The following CLSTN2 variants were observed in gnomAD, a reference collection of about 807,000 sequenced individuals.
The protein encoded by CLSTN2 is calsyntenin-2.
CLSTN2 carries 48 observed loss-of-function variants against 101.2 expected under a neutral mutation model. The ratio of observed to expected loss-of-function variants is 0.47; its 90% confidence interval spans 0.38 to 0.60. The LOEUF (loss-of-function observed/expected upper bound fraction) is 0.60. Ranked by LOEUF, CLSTN2 falls within the 20% of genes least tolerant of loss-of-function variation. The probability of loss-of-function intolerance (pLI) is 0.00; values close to 1 mark genes in which losing one functional copy is unlikely to be tolerated. For missense variants in CLSTN2, 1,160 were observed against 1,238.2 expected (o/e 0.94, Z 0.95); for synonymous variants, 481 against 463.6 (o/e 1.04, Z -0.48).
Position 140,556,676 on chromosome 3 carries a change from G to C in CLSTN2, c.1823+15G>C. On this transcript the variant is annotated intron_variant, in intron 11 of 16. Transcript: ENST00000458420. ...TCCAAAGTCCAGTGAGTGGACGCTG[G>C]TCAGCCTGGGGCCAACTGAGGCAGC... 1 of 1,613,214 alleles carries C rather than the reference G, an allele frequency of 6.2e-7. No homozygotes were observed. Among genetic ancestry groups the C allele is most frequent in the Non-Finnish European group, 8.5e-7 (1 of 1,179,534 alleles).
chr3:140,197,437 G>A (rs766532886), intron 2 of CLSTN2, among the ~76,000 whole-genome samples: 23 of 152,126 alleles, frequency 1.5e-4, no homozygotes, highest in Non-Finnish European at 2.9e-4. Flanking sequence ...AATCACATGA[G>A]TTTGTACAGG....
intron 5 of CLSTN2, among the ~76,000 whole-genome samples, chr3:140,445,200 G>A (rs577905961): frequency 2.4e-4 from 37 of 152,164 alleles, no homozygotes; most frequent in Non-Finnish European, 4.6e-4. Context: ...CAGCTAGGGG[G>A]TGAGTGAGAG....
chr3:140,399,547 T>G (rs975768115), intron 2 of CLSTN2, among the ~76,000 whole-genome samples: 1 of 152,222 alleles, frequency 6.6e-6, no homozygotes, highest in African/African-American at 2.4e-5. Flanking sequence ...GCAATGTCCA[T>G]TTTTAAATAC....
At chr3:140,314,857 G>A (rs1029684232) in intron 2 of CLSTN2, among the ~76,000 whole-genome samples, 6 of 152,006 alleles carry the variant, frequency 3.9e-5, no homozygotes, top group African/African-American at 1.4e-4. Flanking sequence ...AACTATCTAT[G>A]TAAATGTCTA....
chr3:140,028,202 G>T (rs1363790761), intron 1 of CLSTN2, among the ~76,000 whole-genome samples: 2 of 152,136 alleles, frequency 1.3e-5, no homozygotes, highest in Non-Finnish European at 2.9e-5. Context: ...TGGAGGGAAG[G>T]TCGTGTTTCT....
intron 1 of CLSTN2, among the ~76,000 whole-genome samples, chr3:140,171,404 G>T (rs2010210644): frequency 6.6e-6 from 1 of 151,554 alleles, no homozygotes. Context: ...TGATTGCTGT[G>T]GAATGGGTGA....
At chr3:140,031,679 A>T (rs2007552748) in intron 1 of CLSTN2, among the ~76,000 whole-genome samples, 1 of 152,218 alleles carries the variant, frequency 6.6e-6, no homozygotes, top group South Asian at 2.1e-4. Context: ...GAAAACAAGG[A>T]TAGTGTATGT....
At chr3:140,480,015 A>C (rs1020694762) in intron 8 of CLSTN2, among the ~76,000 whole-genome samples, 1 of 151,976 alleles carries the variant, frequency 6.6e-6, no homozygotes, top group Non-Finnish European at 1.5e-5. Flanking sequence ...GGTTTGTTAC[A>C]TATGTATACA....
chr3:140,079,501 G>T (rs1480700255), intron 1 of CLSTN2, among the ~76,000 whole-genome samples: 1 of 152,152 alleles, frequency 6.6e-6, no homozygotes, highest in Non-Finnish European at 1.5e-5. Context: ...TGTAATCCCA[G>T]CACTTTGGGA....
chr3:140,244,976 G>T (rs1383387241), intron 2 of CLSTN2, among the ~76,000 whole-genome samples: 1 of 152,216 alleles, frequency 6.6e-6, no homozygotes, highest in Non-Finnish European at 1.5e-5. Flanking sequence ...TAACATGCAG[G>T]TGCCCCTGTG....
intron 1 of CLSTN2, among the ~76,000 whole-genome samples, chr3:140,120,796 C>T (rs1447112817): frequency 6.6e-6 from 1 of 152,184 alleles, no homozygotes; most frequent in Admixed American, 6.5e-5. Flanking sequence ...GTGAAGTGTT[C>T]CCAGTGGGAG....
At chr3:140,283,629 C>G (rs1254083439) in intron 2 of CLSTN2, among the ~76,000 whole-genome samples, 1 of 152,178 alleles carries the variant, frequency 6.6e-6, no homozygotes, top group African/African-American at 2.4e-5. Context: ...CTTCCCAGGT[C>G]TCAGGGTCTT....
chr3:140,154,277 G>C (rs547226112), intron 1 of CLSTN2, among the ~76,000 whole-genome samples: 1 of 152,226 alleles, frequency 6.6e-6, no homozygotes, highest in African/African-American at 2.4e-5. Flanking sequence ...CTGGCCTTCT[G>C]GTTGGGGGAA....
chr3:140,225,891 C>G (rs759080636), intron 2 of CLSTN2, among the ~76,000 whole-genome samples: 17 of 151,096 alleles, frequency 1.1e-4, no homozygotes, highest in Non-Finnish European at 2.5e-4. Flanking sequence ...GACCAAGTGT[C>G]AAAATCTCCA....
rs570378066 is a variant in CLSTN2, at chr3:140,084,227, A to G, written c.110-91724A>G. Among the ~76,000 whole-genome samples the G allele has an allele frequency of 1.1e-4, 16 of 152,306 alleles. No homozygotes were observed. In the South Asian group the frequency reaches 2.5e-3, roughly 24 times the overall value. ...TGAGAGGCACCACCACATGCTTGCA[A>G]CATCACTACCCTGTGGTGGTGACCA... On this transcript the variant is annotated intron_variant, in intron 1 of 16. Coordinates refer to ENST00000458420, the MANE Select transcript of CLSTN2 (RefSeq NM_022131.3).
chr3:140,449,132 C>T (rs116475939), intron 6 of CLSTN2, among the ~76,000 whole-genome samples: 388 of 152,256 alleles, frequency 2.5e-3, no homozygotes, highest in African/African-American at 8.9e-3. Context: ...TGGTCTCCTC[C>T]CCAAAGCGCC....
intron 1 of CLSTN2, among the ~76,000 whole-genome samples, chr3:140,061,878 G>A (rs561903071): frequency 1.3e-4 from 20 of 152,178 alleles, no homozygotes; most frequent in Non-Finnish European, 2.5e-4. Context: ...AATTCTTCTA[G>A]GTGCTACAGA....
intron 6 of CLSTN2, chr3:140,452,448 G>C (rs573665739): frequency 4.6e-5 from 7 of 152,454 alleles, no homozygotes; most frequent in South Asian, 2.1e-4. Context: ...AGTCTGTGGA[G>C]CTACCTTGGT....
intron 8 of CLSTN2, among the ~76,000 whole-genome samples, chr3:140,525,139 A>G (rs1935110726): frequency 6.6e-6 from 1 of 152,234 alleles, no homozygotes; most frequent in South Asian, 2.1e-4. Flanking sequence ...AGTCCATACA[A>G]AAGATCAATA....
Sources: gnomAD v4.1 joint callset for allele counts (sites outside exome capture counted in the v4.1 genomes callset) on GRCh38, gnomAD v4.1.1 for gene constraint, MANE v1.5 for transcripts, NCBI Gene and HGNC (gene_info 2026-07-23, HGNC 2026-07-21) for gene names.